SLC12A3: variants seen among roughly 807,000 people sequenced by gnomAD.
SLC12A3 encodes the protein Na-Cl cotransporter.
A neutral mutation model predicts 121.0 loss-of-function variants in SLC12A3; 104 were observed. The ratio of observed to expected loss-of-function variants is 0.86; its 90% CI spans 0.73 to 1.01. The LOEUF is 1.01. Among genes scored for constraint, SLC12A3 ranks in the 50% least tolerant of loss-of-function variants. The probability of loss-of-function intolerance (pLI) is 0.00; values close to 1 mark genes in which losing one functional copy is unlikely to be tolerated. For synonymous variants in SLC12A3, 536 were observed against 533.4 expected (o/e 1.00, Z -0.07); for missense variants, 1,328 against 1,356.3 (o/e 0.98, Z 0.33).
intron 25 of SLC12A3, among the ~76,000 whole-genome samples, chr16:56,912,936 T>G (rs763990667): frequency 1.3e-5 from 2 of 151,622 alleles, no homozygotes; most frequent in Admixed American, 6.6e-5. Flanking sequence ...GAGGCAGGAG[T>G]GAGCTTGGCA....
chr16:56,908,658 A>T (rs2055642246), intron 25 of SLC12A3, among the ~76,000 whole-genome samples: 1 of 152,182 alleles, frequency 6.6e-6, no homozygotes, highest in Non-Finnish European at 1.5e-5. Context: ...TGCCCAGAAC[A>T]ATGCTTCCTG....
chr16:56,883,662 T>C (rs2055271320), intron 13 of SLC12A3, among the ~76,000 whole-genome samples: 1 of 152,090 alleles, frequency 6.6e-6, no homozygotes, highest in Non-Finnish European at 1.5e-5. Context: ...GGCCCTGGAG[T>C]TGCACCATGA....
chr16:56,904,110 A>G (rs1358719910), intron 24 of SLC12A3, among the ~76,000 whole-genome samples: 1 of 152,150 alleles, frequency 6.6e-6, no homozygotes, highest in Non-Finnish European at 1.5e-5. Context: ...TGAGATCTGA[A>G]CCTAGTAAGG....
At chr16:56,880,375 G>C in intron 12 of SLC12A3, 122 bp downstream of exon 12, 1 of 1,227,326 alleles carries the variant, frequency 8.1e-7, no homozygotes, top group Admixed American at 2.2e-5. Flanking sequence ...CAGTTAGTGG[G>C]CACTAAGAGG....
intron 25 of SLC12A3, among the ~76,000 whole-genome samples, chr16:56,912,901 G>C (rs944966647): frequency 2.6e-5 from 4 of 152,134 alleles, no homozygotes; most frequent in African/African-American, 7.2e-5. Flanking sequence ...CTGGTGGGTG[G>C]GGAGAACGTC....
At chr16:56,899,482 C>G (rs1420846422) in intron 22 of SLC12A3, 48 bp from the exon 23 acceptor site, 3 of 1,420,394 alleles carry the variant, frequency 2.1e-6, no homozygotes, top group Admixed American at 3.3e-5. Flanking sequence ...GAGCAAGACG[C>G]TGTCTCAAGA....
At chr16:56,892,854 C>G (rs1163270677) in intron 20 of SLC12A3, 99 bp from the exon 21 acceptor site, 4 of 897,114 alleles carry the variant, frequency 4.5e-6, no homozygotes, top group Non-Finnish European at 7.3e-6. Flanking sequence ...CCAGAGAACC[C>G]GTGTTCAACA....
Position 56,877,566 on chromosome 16 carries a change from G to A in SLC12A3, c.1096-511G>A, listed in dbSNP as rs187579547. Among the ~76,000 whole-genome samples, 215 of 152,242 alleles carry A rather than the reference G, an allele frequency of 1.4e-3. 2 individuals are homozygous for A. Among genetic ancestry groups the A allele is most frequent in the African/African-American group, 5.0e-3 (208 of 41,552 alleles). ...GATTGAACACGCTGTGAGGGCTGGC[G>A]GGGAGGGGAGTCCTGGTCTAGGATG... On this transcript the variant is annotated intron_variant, in intron 8 of 25. Transcript: ENST00000563236.
chr16:56,900,978 A>G (rs2055530254), intron 23 of SLC12A3, among the ~76,000 whole-genome samples: 2 of 151,990 alleles, frequency 1.3e-5, no homozygotes, highest in African/African-American at 4.8e-5. Flanking sequence ...TCCCGCTCCC[A>G]ACCCACTGCC....
chr16:56,892,908 TGC>T (rs2055408457), intron 20 of SLC12A3, 43 bp from the exon 21 acceptor site: 1 of 1,529,984 alleles, frequency 6.5e-7, no homozygotes. Context: ...CCTGCCTGGA[TGC>T]GCGGCTGCTG....
rs906903250 is a variant in SLC12A3 at position 56,915,410 on chromosome 16, A to G, written c.*2005A>G. Reference sequence around the variant, plus strand: ...CTCAGGTCATCCCACTGCAAAGCCCAGAAGGCTTGGGGCTCCCAGGCTGCT... The same window carrying G: ...CTCAGGTCATCCCACTGCAAAGCCCGGAAGGCTTGGGGCTCCCAGGCTGCT... On this transcript the variant is annotated 3_prime_UTR_variant, in exon 26 of 26. Transcript: ENST00000563236. 2 of 152,264 alleles carry G rather than the reference A, an allele frequency of 1.3e-5. No individual in the cohort carries two copies. The highest frequency in any genetic ancestry group is 3.8e-4 in the East Asian group (2 of 5,204). 9.4% of individuals were successfully genotyped at this position (152,264 alleles called of 1,614,324 possible).
intron 8 of SLC12A3, among the ~76,000 whole-genome samples, chr16:56,873,713 T>TA (rs1306280670): frequency 1.4e-5 from 2 of 146,700 alleles, no homozygotes; most frequent in Non-Finnish European, 3.0e-5. Flanking sequence ...ATTTTATTTT[T>TA]TTTTTTTTGA....
chr16:56,872,514 C>T (rs373319040), intron 7 of SLC12A3, 52 bp downstream of exon 7: 23 of 1,588,248 alleles, frequency 1.4e-5, no homozygotes, highest in Non-Finnish European at 1.8e-5. Flanking sequence ...GGACTCTCTA[C>T]CCAGGAATCT....
At chr16:56,882,653 A>G (rs1285608450) in intron 13 of SLC12A3, among the ~76,000 whole-genome samples, 156 bp downstream of exon 13, 1 of 151,284 alleles carries the variant, frequency 6.6e-6, no homozygotes, top group Non-Finnish European at 1.5e-5. Flanking sequence ...TAATAATAGC[A>G]GCTCTCGGCT....
chr16:56,902,045 T>C (rs2055545549), intron 23 of SLC12A3, among the ~76,000 whole-genome samples: 1 of 152,226 alleles, frequency 6.6e-6, no homozygotes, highest in South Asian at 2.1e-4. Flanking sequence ...TCACCGTGGC[T>C]CTGTGAGGAC....
intron 8 of SLC12A3, 123 bp from the exon 9 acceptor site, chr16:56,877,954 C>G: frequency 1.5e-6 from 1 of 651,554 alleles, no homozygotes; most frequent in Admixed American, 2.4e-5. Flanking sequence ...GTTGCTGCCC[C>G]CAGCCTCAGC....
chr16:56,882,305 T>G (rs1596913471), intron 12 of SLC12A3, 91 bp from the exon 13 acceptor site: 1 of 1,031,270 alleles, frequency 9.7e-7, no homozygotes, highest in Non-Finnish European at 1.5e-6. Context: ...GTGGCCTGTC[T>G]GGGGTCCCCC....
At chr16:56,893,965 T>G (rs2055425613) in intron 21 of SLC12A3, among the ~76,000 whole-genome samples, 1 of 136,706 alleles carries the variant, frequency 7.3e-6, no homozygotes, top group Admixed American at 7.4e-5. Context: ...TTTATTTTTA[T>G]TTTTATTTTA....
Position 56,899,559 on chromosome 16 carries a change from T to C in SLC12A3, c.2663T>C (p.Leu888Pro), listed in dbSNP as rs764833797. 22 of 1,614,132 alleles carry C rather than the reference T, an allele frequency of 1.4e-5. No homozygotes were observed. The highest frequency in any genetic ancestry group is 1.8e-5 in the Non-Finnish European group (21 of 1,179,950). ...AIISLLSKFR[L>P]GFHEVHILPD... Reference sequence around the variant, plus strand: ...ATTTCTCTGCTGAGCAAGTTCCGACTGGGATTCCATGAAGTCCACATCCTC... The same window carrying C: ...ATTTCTCTGCTGAGCAAGTTCCGACCGGGATTCCATGAAGTCCACATCCTC... The change falls in exon 23 of 26, where the codon CTG (leucine) becomes CCG (proline). Residue 888 changes from leucine (L) to proline (P), a missense_variant. Transcript: ENST00000563236.
Sources: gnomAD v4.1 joint callset for allele counts (sites outside exome capture counted in the v4.1 genomes callset) on GRCh38, gnomAD v4.1.1 for gene constraint, MANE v1.5 for transcripts, NCBI Gene and HGNC (gene_info 2026-07-23, HGNC 2026-07-21) for gene names.